The following PBX4 variants were observed in gnomAD, a reference collection of about 807,000 sequenced individuals.
The protein encoded by PBX4 is pre-B-cell leukemia transcription factor 4.
A neutral mutation model predicts 35.1 loss-of-function variants in PBX4; 26 were observed. The ratio of observed to expected loss-of-function variants is 0.74; its 90% CI spans 0.54 to 1.03. PBX4 has a LOEUF of 1.03. Ranked by LOEUF, PBX4 falls within the 50% of genes least tolerant of loss-of-function variation. The pLI is 0.00. For synonymous variants in PBX4, 199 were observed against 204.2 expected, an observed-to-expected ratio of 0.97 and a Z score of 0.22; for missense variants, 448 against 504.3, an observed-to-expected ratio of 0.89 and a Z score of 1.07.
chr19:19,562,144 AG>A lies in PBX4; in HGVS notation c.1033-28del. The A allele has an allele frequency of 6.3e-7, 1 of 1,577,680 alleles. No individual in the cohort carries two copies. Among genetic ancestry groups the A allele is most frequent in the Non-Finnish European group, 8.7e-7 (1 of 1,156,026 alleles). ...TGAAACGACAGAGACTGAGCATCAGAGTGGGTGGCCGTGAGACTGGTGACTA... is the reference window on the plus strand; with the variant it reads ...TGAAACGACAGAGACTGAGCATCAGATGGGTGGCCGTGAGACTGGTGACTA... On this transcript the variant is annotated intron_variant, in intron 7 of 7. Transcript: ENST00000251203. This position sits in a 1 kb window ranked among gnomAD's most constrained non-coding sequence, Gnocchi z 4.8.
intron 2 of PBX4, among the ~76,000 whole-genome samples, chr19:19,576,923 T>TA (rs2061423074): frequency 6.6e-6 from 1 of 152,032 alleles, no homozygotes; most frequent in Non-Finnish European, 1.5e-5. Flanking sequence ...CCGAGGATTT[T>TA]AAAAAAATAT....
intron 1 of PBX4, among the ~76,000 whole-genome samples, chr19:19,615,657 T>C (rs2061685298): frequency 6.6e-6 from 1 of 152,136 alleles, no homozygotes; most frequent in South Asian, 2.1e-4. Flanking sequence ...TTTGGGAGGC[T>C]GAGGTAGGCA....
rs375823108 is a variant in PBX4, at chr19:19,604,745, C to T, written c.120-5380G>A. Among the ~76,000 whole-genome samples the T allele has an allele frequency of 4.8e-4, 73 of 151,938 alleles. No homozygotes were observed. In the East Asian group the frequency reaches 0.011, roughly 23 times the overall value. On this transcript the variant is annotated intron_variant, in intron 1 of 7. Coordinates refer to ENST00000251203, the MANE Select transcript of PBX4 (RefSeq NM_025245.3). The stretch of plus-strand genomic sequence containing the variant: ...CCTCCTGAGTAGCTGGAACTATAGG[C>T]GCGTGCCACCACACTCAGCTAATTT...
intron 1 of PBX4, among the ~76,000 whole-genome samples, chr19:19,609,291 T>C (rs552851542): frequency 6.6e-6 from 1 of 152,202 alleles, no homozygotes; most frequent in East Asian, 1.9e-4. Context: ...AGCTCACACC[T>C]GTAATCCCAG....
At chr19:19,596,362 G>GAATAAGTA (rs2061560947) in intron 2 of PBX4, among the ~76,000 whole-genome samples, 1 of 148,906 alleles carries the variant, frequency 6.7e-6, no homozygotes, top group Non-Finnish European at 1.5e-5. Flanking sequence ...AACAGAGTGA[G>GAATAAGTA]AATAAATAAA....
chr19:19,593,899 G>A (rs2061543467), intron 2 of PBX4, among the ~76,000 whole-genome samples: 1 of 151,878 alleles, frequency 6.6e-6, no homozygotes, highest in Admixed American at 6.6e-5. Context: ...GCTGAGGCAG[G>A]AGGATCACTT....
At chr19:19,594,075 T>A in intron 2 of PBX4, among the ~76,000 whole-genome samples, 1 of 145,212 alleles carries the variant, frequency 6.9e-6, no homozygotes, top group Non-Finnish European at 1.5e-5. Flanking sequence ...TGAGACTCTG[T>A]GTCTTAATTA....
chr19:19,572,958 C>CA (rs1196729793), intron 2 of PBX4, among the ~76,000 whole-genome samples: 3 of 144,302 alleles, frequency 2.1e-5, no homozygotes, highest in South Asian at 2.2e-4. Flanking sequence ...GAACAAGAGA[C>CA]AAAAAAAATT....
chr19:19,610,980 T>C (rs913419938), intron 1 of PBX4, among the ~76,000 whole-genome samples: 4 of 152,314 alleles, frequency 2.6e-5, no homozygotes, highest in Middle Eastern at 6.8e-3. Context: ...GATCCTCTCA[T>C]GCTAATGCTA....
chr19:19,596,790 G>A (rs928794503), intron 2 of PBX4, among the ~76,000 whole-genome samples: 4 of 151,512 alleles, frequency 2.6e-5, no homozygotes, highest in Non-Finnish European at 4.4e-5. Context: ...AACGTGGCTC[G>A]TGCCTGTAGT....
In PBX4 at chr19:19,587,445, G is replaced by A. The variant is rs566215935; in HGVS notation, c.193+11847C>T. Among the ~76,000 whole-genome samples, 121 of 151,366 alleles carry A rather than the reference G, an allele frequency of 8.0e-4. 1 individual carries two copies. Among genetic ancestry groups the A allele is most frequent in the South Asian group, 6.3e-4 (3 of 4,762 alleles). On this transcript the variant is annotated intron_variant, in intron 2 of 7. Coordinates refer to ENST00000251203, the MANE Select transcript of PBX4 (RefSeq NM_025245.3). ...TCTACTAAAAATACAAAAATTAGCC[G>A]GGCGTGGTGGCGGACTCCTGTAATC... is the stretch of plus-strand genomic sequence containing the variant.
chr19:19,595,725 C>T (rs2061557019), intron 2 of PBX4, among the ~76,000 whole-genome samples: 1 of 129,650 alleles, frequency 7.7e-6, no homozygotes, highest in Non-Finnish European at 1.6e-5. Flanking sequence ...CATGTGGGGG[C>T]TGTCAGCAGC....
intron 1 of PBX4, among the ~76,000 whole-genome samples, chr19:19,610,781 C>T (rs1216633470): frequency 1.3e-5 from 2 of 152,086 alleles, no homozygotes; most frequent in Non-Finnish European, 2.9e-5. Flanking sequence ...CACAATTCAA[C>T]TCTTAGGAAA....
intron 2 of PBX4, among the ~76,000 whole-genome samples, chr19:19,591,345 C>T (rs1255262290): frequency 2.6e-5 from 4 of 152,192 alleles, no homozygotes; most frequent in Non-Finnish European, 5.9e-5. Flanking sequence ...GCAACAGATC[C>T]GACCAGCTGA....
At chr19:19,573,922 G>T (rs778511544) in intron 2 of PBX4, among the ~76,000 whole-genome samples, 5 of 152,084 alleles carry the variant, frequency 3.3e-5, no homozygotes, top group Admixed American at 6.6e-5. Context: ...TAGAAACAGG[G>T]TTTCACCATG....
At chr19:19,589,420 C>T (rs1372127783) in intron 2 of PBX4, among the ~76,000 whole-genome samples, 8 of 151,372 alleles carry the variant, frequency 5.3e-5, no homozygotes, top group South Asian at 2.1e-4. Flanking sequence ...GGCAACTGAG[C>T]GAGACTCTGT....
At chr19:19,604,510 T>C (rs2061617618) in intron 1 of PBX4, among the ~76,000 whole-genome samples, 1 of 148,306 alleles carries the variant, frequency 6.7e-6, no homozygotes, top group South Asian at 2.1e-4. Flanking sequence ...ACTAAGATCT[T>C]TGTCTCTGAA....
chr19:19,607,378 T>C (rs1236675739), intron 1 of PBX4, among the ~76,000 whole-genome samples: 1 of 152,174 alleles, frequency 6.6e-6, no homozygotes, highest in Non-Finnish European at 1.5e-5. Flanking sequence ...TTTAAAATGC[T>C]AATGTTTATG....
At chr19:19,606,987 T>C (rs2061635544) in intron 1 of PBX4, among the ~76,000 whole-genome samples, 1 of 152,062 alleles carries the variant, frequency 6.6e-6, no homozygotes, top group Non-Finnish European at 1.5e-5. Context: ...CAAGACTCTG[T>C]CTCAAAACAA....
Sources: gnomAD v4.1 joint callset for allele counts (sites outside exome capture counted in the v4.1 genomes callset) on GRCh38, gnomAD v4.1.1 for gene constraint, Gnocchi (gnomAD v3.1) non-coding constraint, MANE v1.5 for transcripts, NCBI Gene and HGNC (gene_info 2026-07-23, HGNC 2026-07-21) for gene names.